Variants in ZNF512 observed in about 807,000 individuals in gnomAD.
ZNF512 encodes the protein zinc finger protein 512.
In ZNF512, 25 loss-of-function variants were observed where a neutral mutation model predicts 77.5. That is an observed-to-expected ratio of 0.32 (90% CI 0.23 to 0.45). ZNF512 has a LOEUF of 0.45. Among genes scored for constraint, ZNF512 ranks in the 20% least tolerant of loss-of-function variants. The probability of loss-of-function intolerance (pLI) is 1.00; values close to 1 mark genes in which losing one functional copy is unlikely to be tolerated. For synonymous variants in ZNF512, 246 were observed against 239.9 expected, an observed-to-expected ratio of 1.03 and a Z score of -0.24; for missense variants, 483 against 692.6, an observed-to-expected ratio of 0.70 and a Z score of 3.40.
At position 27,621,395 on chromosome 2, in the gene ZNF512, G is replaced by T; in HGVS notation, c.1638G>T (p.Glu546Asp). ...VSASCKEPEQ[E>D]PVPAQFQKVK... ...CCTCCTGTAAGGAACCAGAGCAGGA[G>T]CCAGTGCCAGCACAGTTCCAGAAAG... The change falls in exon 14 of 14, where the codon GAG becomes GAT. Residue 546 changes from glutamate to aspartate, a missense_variant. This residue lies in a region of ZNF512 where 324 missense variants were observed against 525.0 expected (regional missense o/e 0.62). Coordinates refer to ENST00000355467, the MANE Select transcript of ZNF512 (RefSeq NM_032434.4). 1 of 1,614,010 alleles carries T rather than the reference G, an allele frequency of 6.2e-7. No individual in the cohort carries two copies. The highest frequency in any genetic ancestry group is 8.5e-7 in the Non-Finnish European group (1 of 1,180,016).
intron 10 of ZNF512, among the ~76,000 whole-genome samples, chr2:27,612,936 G>A (rs989694314): frequency 3.3e-5 from 5 of 152,066 alleles, no homozygotes; most frequent in Non-Finnish European, 7.4e-5. Context: ...TATTTTGGGA[G>A]TATATGAAAC....
In ZNF512 at chr2:27,592,667, C is replaced by CTTTTTTTTTTTTT. The variant is rs139890307; in HGVS notation, c.90-5382_90-5370dup. On this transcript the variant is annotated intron_variant, in intron 2 of 13. Coordinates refer to ENST00000355467, the MANE Select transcript of ZNF512 (RefSeq NM_032434.4). ...TACCCATATAATTTACCATGTTTAC[C>CTTTTTTTTTTTTT]TTTTTTTTTTTTTTTTTTTTTTTTT... Among the ~76,000 whole-genome samples the CTTTTTTTTTTTTT allele has an allele frequency of 5.4e-4, 44 of 81,560 alleles. 1 individual carries two copies. The highest frequency in any genetic ancestry group is 9.4e-4 in the Non-Finnish European group (40 of 42,736). 53.5% of individuals were successfully genotyped at this position (81,560 alleles called of 152,430 possible). A position where few individuals can be genotyped will look rare whatever the true frequency, so the allele number is the denominator to read the frequency against.
At chr2:27,598,322 A>T in intron 3 of ZNF512, 68 bp downstream of exon 3, 2 of 1,495,186 alleles carry the variant, frequency 1.3e-6, no homozygotes, top group Admixed American at 3.4e-5. Flanking sequence ...GATTGTTATA[A>T]ATACCTCTTA....
rs151130590 is a variant in ZNF512, at chr2:27,600,312, T to G, written c.457+259T>G. Among the ~76,000 whole-genome samples the G allele has an allele frequency of 5.1e-3, 778 of 152,318 alleles. 12 individuals are homozygous for G. Among genetic ancestry groups the G allele is most frequent in the African/African-American group, 0.018 (736 of 41,570 alleles). On this transcript the variant is annotated intron_variant, in intron 5 of 13. Coordinates refer to ENST00000355467, the MANE Select transcript of ZNF512 (RefSeq NM_032434.4). ...GTAATAAAGGCAGTTAGAATTATTT[T>G]GAAAATTAAATGGATAAAAACATTT... is the stretch of plus-strand genomic sequence containing the variant.
At chr2:27,607,721 C>T in intron 9 of ZNF512, 124 bp from the exon 10 acceptor site, 1 of 871,858 alleles carries the variant, frequency 1.1e-6, no homozygotes, top group Non-Finnish European at 1.8e-6. Context: ...GAACTTGATG[C>T]TAGTGGTTAG....
chr2:27,602,431 T>TC (rs757344281), intron 7 of ZNF512, 32 bp from the exon 8 acceptor site: 75 of 1,595,308 alleles, frequency 4.7e-5, no homozygotes, highest in Non-Finnish European at 6.2e-5. Context: ...TTTCCATGAA[T>TC]CATCTTCTTG....
At chr2:27,595,742 T>A (rs575629277) in intron 2 of ZNF512, among the ~76,000 whole-genome samples, 2 of 152,236 alleles carry the variant, frequency 1.3e-5, no homozygotes, top group African/African-American at 4.8e-5. Context: ...ATTTTTCAGT[T>A]CTAAGATTTC....
intron 11 of ZNF512, 27 bp downstream of exon 11, chr2:27,615,296 G>A: frequency 7.0e-7 from 1 of 1,434,110 alleles, no homozygotes; most frequent in Non-Finnish European, 9.6e-7. Context: ...CATTTATTCA[G>A]TAAATGTTTA....
rs372087826 is a variant in ZNF512, at chr2:27,602,419, C to A, written c.670-44C>A. The A allele has an allele frequency of 4.3e-5, 68 of 1,581,404 alleles. No individual in the cohort carries two copies. The highest frequency in any genetic ancestry group is 5.7e-5 in the Non-Finnish European group (66 of 1,159,266). ...GATATTTTTTTTCCCTGTGTCTTAT[C>A]TTTTCCATGAATCATCTTCTTGTTT... On this transcript the variant is annotated intron_variant, in intron 7 of 13. Coordinates refer to ENST00000355467, the MANE Select transcript of ZNF512 (RefSeq NM_032434.4).
chr2:27,591,653 C>T, intron 2 of ZNF512, among the ~76,000 whole-genome samples: 1 of 152,202 alleles, frequency 6.6e-6, no homozygotes, highest in African/African-American at 2.4e-5. Context: ...TTGTGATCTG[C>T]CCACCTCGGC....
At chr2:27,614,663 G>C (rs1672805788) in intron 10 of ZNF512, among the ~76,000 whole-genome samples, 1 of 140,960 alleles carries the variant, frequency 7.1e-6, no homozygotes, top group Non-Finnish European at 1.5e-5. Flanking sequence ...GGGCGACAGA[G>C]CAAGACTCCA....
At chr2:27,616,672 T>G (rs2068834) in intron 12 of ZNF512, among the ~76,000 whole-genome samples, 1 of 152,052 alleles carries the variant, frequency 6.6e-6, no homozygotes, top group Admixed American at 6.5e-5. Flanking sequence ...CCTAAAACTT[T>G]GTAGAATCAC....
At chr2:27,595,044 A>G (rs1671794479) in intron 2 of ZNF512, among the ~76,000 whole-genome samples, 1 of 152,100 alleles carries the variant, frequency 6.6e-6, no homozygotes. Context: ...CAGGAGAATC[A>G]GGGGAGCCCG....
chr2:27,621,691 A>G lies in ZNF512; in HGVS notation c.*230A>G, dbSNP rs549929254. On this transcript the variant is annotated 3_prime_UTR_variant, in exon 14 of 14. Coordinates refer to ENST00000355467, the MANE Select transcript of ZNF512 (RefSeq NM_032434.4). ...CCTCGTCAAGTCCTCTTGTTTTTTTATCTTGCCCAAAGAGCTCCCTCTCAA... is the reference window on the plus strand; with the variant it reads ...CCTCGTCAAGTCCTCTTGTTTTTTTGTCTTGCCCAAAGAGCTCCCTCTCAA... 69 of 455,936 alleles carry G rather than the reference A, an allele frequency of 1.5e-4. No homozygotes were observed. In the South Asian group the frequency reaches 1.6e-3, roughly 10 times the overall value. 28.2% of individuals were successfully genotyped at this position (455,936 alleles called of 1,614,324 possible).
chr2:27,621,060 C>T, intron 13 of ZNF512, 93 bp from the exon 14 acceptor site: 2 of 1,412,234 alleles, frequency 1.4e-6, no homozygotes, highest in South Asian at 2.7e-5. Flanking sequence ...TGTGTTCTGC[C>T]CTAATCATGC....
chr2:27,598,204 A>T lies in ZNF512; in HGVS notation c.227A>T (p.Tyr76Phe). 4 of 1,614,134 alleles carry T rather than the reference A, an allele frequency of 2.5e-6. No homozygotes were observed. Among genetic ancestry groups the T allele is most frequent in the Non-Finnish European group, 3.4e-6 (4 of 1,180,000 alleles). ...DFPASFRKST[Y>F]WMKMRRIKPA... The stretch of plus-strand genomic sequence containing the variant: ...CCAGCATCTTTCCGAAAATCTACCT[A>T]CTGGATGAAGATGAGAAGAATCAAG... Residue 76 changes from tyrosine (Y) to phenylalanine (F), a missense_variant, in exon 3 of 14, where the codon TAC becomes TTC. Tyr to Phe is a conservative substitution (Grantham distance 22). This residue lies in a region of ZNF512 where 159 missense variants were observed against 167.5 expected (regional missense o/e 0.95). Transcript: ENST00000355467.
intron 5 of ZNF512, 70 bp from the exon 6 acceptor site, chr2:27,600,621 T>G (rs886313956): frequency 1.0e-5 from 16 of 1,546,380 alleles, no homozygotes; most frequent in Non-Finnish European, 1.4e-5. Context: ...TTTTCCTAAA[T>G]CGTGGGATTA....
At chr2:27,593,432 A>G (rs1197670597) in intron 2 of ZNF512, among the ~76,000 whole-genome samples, 3 of 151,172 alleles carry the variant, frequency 2.0e-5, no homozygotes. Context: ...CAGCCTGGGC[A>G]ACATAGCAAG....
chr2:27,595,667 T>C (rs1278371197), intron 2 of ZNF512, among the ~76,000 whole-genome samples: 1 of 152,226 alleles, frequency 6.6e-6, no homozygotes, highest in Non-Finnish European at 1.5e-5. Context: ...GTTCACAGAC[T>C]CTTTCCTCTG....
Sources: gnomAD v4.1 joint callset for allele counts (sites outside exome capture counted in the v4.1 genomes callset) on GRCh38, gnomAD v4.1.1 for gene constraint, gnomAD v4.1.1 regional missense constraint, MANE v1.5 for transcripts, NCBI Gene and HGNC (gene_info 2026-07-23, HGNC 2026-07-21) for gene names.